Variants in RTL9 observed in about 807,000 individuals in gnomAD.
RTL9 encodes the protein retrotransposon Gag-like protein 9.
RTL9 carries 19 observed loss-of-function variants against 44.7 expected under a neutral mutation model. The ratio of observed to expected loss-of-function variants is 0.42; its 90% CI spans 0.30 to 0.62. RTL9 has a LOEUF of 0.62. RTL9 is among the 20% of genes least tolerant of loss of function. The pLI is 0.16. For missense variants in RTL9, 1,105 were observed against 1,080.6 expected (o/e 1.02, Z -0.32); for synonymous variants, 407 against 398.9 (o/e 1.02, Z -0.24).
intron 1 of RTL9, among the ~76,000 whole-genome samples, chrX:110,420,180 A>G (rs1353799596): frequency 8.9e-6 from 1 of 111,864 alleles, no homozygotes; most frequent in Non-Finnish European, 1.9e-5. Flanking sequence ...CACTGGCCAC[A>G]TTGCAGAACA....
At chrX:110,400,508 C>T (rs1418062745) in intron 1 of RTL9, among the ~76,000 whole-genome samples, 2 of 110,538 alleles carry the variant, frequency 1.8e-5, no homozygotes, top group South Asian at 3.9e-4. Flanking sequence ...CTTCTGACTC[C>T]TCCTACAGTG....
intron 1 of RTL9, among the ~76,000 whole-genome samples, chrX:110,431,773 A>G (rs1439557573): frequency 9.1e-6 from 1 of 110,291 alleles, no homozygotes; most frequent in Non-Finnish European, 1.9e-5. Flanking sequence ...CTGCTAGAAA[A>G]CCCCTGGGGA....
At chrX:110,415,692 A>C (rs2068672320), upstream of RTL9, among the ~76,000 whole-genome samples, 1 of 111,091 alleles carries the variant, frequency 9.0e-6, no homozygotes, top group Non-Finnish European at 1.9e-5. Flanking sequence ...GAATTTTCCA[A>C]GCTCCTGGGT....
intron 1 of RTL9, among the ~76,000 whole-genome samples, chrX:110,376,262 C>G (rs760708614): frequency 5.9e-4 from 65 of 111,034 alleles, no homozygotes; most frequent in Non-Finnish European, 9.6e-4. Flanking sequence ...TCACTAGAAG[C>G]AGGATCGCTA....
chrX:110,428,124 T>C (rs2068768053), intron 1 of RTL9, among the ~76,000 whole-genome samples: 2 of 112,280 alleles, frequency 1.8e-5, no homozygotes, highest in South Asian at 7.4e-4. Flanking sequence ...ACAGTAGATG[T>C]TCCATGATTC....
chrX:110,455,340 C>A, exon 2 of RTL9: 1 of 1,206,223 alleles, frequency 8.3e-7, no homozygotes. Context: ...GGAATCTTCT[C>A]CTGTGATATC....
chrX:110,411,397 T>C (rs1350769979), intron 1 of RTL9, among the ~76,000 whole-genome samples: 1 of 111,947 alleles, frequency 8.9e-6, no homozygotes, highest in African/African-American at 3.3e-5. Flanking sequence ...CCATTTACTG[T>C]GACAACCGGC....
At chrX:110,434,918 C>T (rs1288029956) in intron 1 of RTL9, among the ~76,000 whole-genome samples, 2 of 109,189 alleles carry the variant, frequency 1.8e-5, no homozygotes, top group East Asian at 2.9e-4. Context: ...GACACCAGCC[C>T]GGAGTGAGAA....
At chrX:110,384,241 G>A (rs886815380) in intron 1 of RTL9, among the ~76,000 whole-genome samples, 5 of 110,976 alleles carry the variant, frequency 4.5e-5, no homozygotes, top group Non-Finnish European at 9.4e-5. Context: ...CTGGTGTTAA[G>A]TATGGGCTCA....
intron 1 of RTL9, among the ~76,000 whole-genome samples, chrX:110,423,396 G>A (rs765651679): frequency 9.1e-6 from 1 of 110,187 alleles, no homozygotes; most frequent in East Asian, 2.9e-4. Flanking sequence ...GAGAAGGAGA[G>A]AAGAAGAAGG....
At chrX:110,451,696 C>T (rs1372351467) in exon 1 of RTL9, 7 of 1,211,633 alleles carry the variant, frequency 5.8e-6, no homozygotes, top group Non-Finnish European at 7.8e-6. Flanking sequence ...GGAGTGATGC[C>T]CACCCAAACG....
rs758030559 is a variant in RTL9, at chrX:110,452,209, C to T, written c.1592C>T (p.Pro531Leu). Residue 531 changes from proline to leucine, a missense_variant, in exon 1 of 2, where the codon CCA becomes CTA. Physicochemically the swap from Pro to Leu is moderately conservative, Grantham distance 98 (BLOSUM62 -3). Coordinates refer to ENST00000540313, the Ensembl canonical transcript of RTL9. Reference sequence around the variant, plus strand: ...ATGTCCATGCCACAATTGACAGTCCCAGCCTCTGGATCAATGTCCATGCTG... The same window carrying T: ...ATGTCCATGCCACAATTGACAGTCCTAGCCTCTGGATCAATGTCCATGCTG... The T allele has an allele frequency of 5.0e-6, 6 of 1,210,501 alleles. No individual in the cohort carries two copies. In the South Asian group the frequency reaches 1.1e-4, roughly 21 times the overall value.
intron 1 of RTL9, among the ~76,000 whole-genome samples, chrX:110,363,830 A>G (rs964891653): frequency 3.6e-5 from 4 of 111,723 alleles, no homozygotes; most frequent in African/African-American, 1.3e-4. Flanking sequence ...AACACTTTAC[A>G]TAAATTATCT....
chrX:110,371,394 G>T (rs768060763), intron 1 of RTL9, among the ~76,000 whole-genome samples: 23 of 111,641 alleles, frequency 2.1e-4, no homozygotes, highest in Non-Finnish European at 5.6e-5. Context: ...TCACTGAGTC[G>T]CAAACAATCC....
At chrX:110,432,329 C>A (rs1164610587) in intron 1 of RTL9, among the ~76,000 whole-genome samples, 2 of 112,501 alleles carry the variant, frequency 1.8e-5, no homozygotes, top group Non-Finnish European at 3.8e-5. Flanking sequence ...CCACTACACC[C>A]CCTGCCGGGT....
At chrX:110,447,012 G>A (rs1307556978), upstream of RTL9, among the ~76,000 whole-genome samples, 2 of 109,807 alleles carry the variant, frequency 1.8e-5, no homozygotes, top group Non-Finnish European at 3.8e-5. Context: ...CTTAGCACAG[G>A]GCCTGGCACA....
intron 1 of RTL9, among the ~76,000 whole-genome samples, chrX:110,428,324 CTGTT>C (rs1421814571): frequency 1.8e-5 from 2 of 111,989 alleles, no homozygotes; most frequent in Non-Finnish European, 3.8e-5. Context: ...CTGCCATAGT[CTGTT>C]TACTTATCTG....
intron 1 of RTL9, among the ~76,000 whole-genome samples, chrX:110,373,585 T>G (rs1303152644): frequency 3.6e-5 from 4 of 112,475 alleles, no homozygotes; most frequent in African/African-American, 1.3e-4. Flanking sequence ...ATGAGTTAGT[T>G]GGTATATACA....
chrX:110,433,062 C>T (rs2068809946), intron 1 of RTL9, among the ~76,000 whole-genome samples: 1 of 112,513 alleles, frequency 8.9e-6, no homozygotes, highest in Non-Finnish European at 1.9e-5. Context: ...GGGCTGCTCC[C>T]GGGTGGCTCC....
Sources: allele counts gnomAD v4.1 joint callset (sites outside exome capture counted in the v4.1 genomes callset), GRCh38; gene constraint gnomAD v4.1.1; transcripts MANE v1.5; gene names NCBI Gene and HGNC (gene_info 2026-07-23, HGNC 2026-07-21).